The following CHST11 variants were observed in gnomAD, a reference collection of about 807,000 sequenced individuals.
The protein encoded by CHST11 is C4S-1.
Under a neutral mutation model 30.4 loss-of-function variants are expected in CHST11, and 9 were observed. The ratio of observed to expected loss-of-function variants is 0.30; its 90% CI spans 0.18 to 0.52. The LOEUF (loss-of-function observed/expected upper bound fraction) is 0.52. CHST11 is among the 20% of genes least tolerant of loss of function. The pLI, the probability that CHST11 is intolerant of heterozygous loss-of-function variation, is 0.97. For missense variants in CHST11, 348 were observed against 460.6 expected (o/e 0.76, Z 2.24); for synonymous variants, 152 against 187.8 (o/e 0.81, Z 1.56).
intron 2 of CHST11, among the ~76,000 whole-genome samples, chr12:104,621,813 A>T (rs982559211): frequency 2.6e-5 from 4 of 152,228 alleles, no homozygotes; most frequent in Admixed American, 1.3e-4. Context: ...GCGGCAATAG[A>T]AAACTAACAT....
chr12:104,616,287 T>G (rs577476806), intron 2 of CHST11, among the ~76,000 whole-genome samples: 2 of 152,298 alleles, frequency 1.3e-5, no homozygotes, highest in South Asian at 4.1e-4. Context: ...AAAATTGCAA[T>G]GCTCAGTCCA....
chr12:104,548,889 A>G (rs543922746), intron 1 of CHST11, among the ~76,000 whole-genome samples: 1 of 152,360 alleles, frequency 6.6e-6, no homozygotes, highest in South Asian at 2.1e-4. Flanking sequence ...CAGACACCAA[A>G]GTTGCCTTTT....
At chr12:104,728,459 A>C (rs1401164135) in intron 2 of CHST11, among the ~76,000 whole-genome samples, 16 of 136,776 alleles carry the variant, frequency 1.2e-4, no homozygotes, top group African/African-American at 2.2e-4. Context: ...AAAAAAAAAC[A>C]AAAACTGAGT....
At chr12:104,488,055 C>T (rs2037700646) in intron 1 of CHST11, among the ~76,000 whole-genome samples, 1 of 152,078 alleles carries the variant, frequency 6.6e-6, no homozygotes, top group Non-Finnish European at 1.5e-5. Flanking sequence ...ACTACTGGTG[C>T]GTGCCACCAC....
intron 1 of CHST11, among the ~76,000 whole-genome samples, chr12:104,503,199 G>C (rs1254718440): frequency 1.3e-5 from 2 of 152,188 alleles, no homozygotes; most frequent in African/African-American, 2.4e-5. Flanking sequence ...CCTAACCCCA[G>C]ATCTGCTGCT....
chr12:104,733,220 G>A (rs1052274286), intron 2 of CHST11, among the ~76,000 whole-genome samples: 3 of 152,238 alleles, frequency 2.0e-5, no homozygotes, highest in African/African-American at 7.2e-5. Flanking sequence ...TGGAGGGCAT[G>A]AGGCCAGACT....
At chr12:104,620,307 C>T (rs1170060143) in intron 2 of CHST11, among the ~76,000 whole-genome samples, 2 of 152,182 alleles carry the variant, frequency 1.3e-5, no homozygotes. Flanking sequence ...GATAAATGAG[C>T]TGGAGTTTGA....
chr12:104,491,907 C>T (rs1208013108), intron 1 of CHST11, among the ~76,000 whole-genome samples: 1 of 152,224 alleles, frequency 6.6e-6, no homozygotes, highest in Non-Finnish European at 1.5e-5. Flanking sequence ...CTACCACCTG[C>T]AGCCTCACTT....
chr12:104,523,644 A>C (rs1460724515), intron 1 of CHST11, among the ~76,000 whole-genome samples: 1 of 152,178 alleles, frequency 6.6e-6, no homozygotes. Context: ...TTCTCAAGTG[A>C]AATAATATTT....
chr12:104,602,320 T>G, intron 2 of CHST11: 1 of 366,008 alleles, frequency 2.7e-6, no homozygotes, highest in South Asian at 5.7e-5. Context: ...GTCTTCCCTT[T>G]GGTATCCCCA....
intron 2 of CHST11, among the ~76,000 whole-genome samples, chr12:104,755,776 A>T (rs565514027): frequency 6.6e-6 from 1 of 152,104 alleles, no homozygotes; most frequent in Non-Finnish European, 1.5e-5. Context: ...ACAGAGTAAG[A>T]CTCTGGAAAA....
chr12:104,521,390 G>T (rs1456289277), intron 1 of CHST11, among the ~76,000 whole-genome samples: 2 of 152,142 alleles, frequency 1.3e-5, no homozygotes, highest in African/African-American at 4.8e-5. Context: ...GCAGACTTTT[G>T]TCTGGTCAGC....
At chr12:104,531,479 AAGAG>A (rs199768769) in intron 1 of CHST11, among the ~76,000 whole-genome samples, 2,482 of 145,214 alleles carry the variant, frequency 0.017, 210 homozygotes, top group Admixed American at 0.066. Flanking sequence ...AAAAAAAAAA[AAGAG>A]AGAGAGAGAG....
At chr12:104,691,555 T>G (rs1041414872) in intron 2 of CHST11, among the ~76,000 whole-genome samples, 3 of 149,972 alleles carry the variant, frequency 2.0e-5, no homozygotes, top group African/African-American at 7.4e-5. Flanking sequence ...TGGTGTGATC[T>G]CGGCTCACTG....
chr12:104,567,678 A>G (rs1160621430), intron 1 of CHST11, among the ~76,000 whole-genome samples: 1 of 152,162 alleles, frequency 6.6e-6, no homozygotes, highest in Non-Finnish European at 1.5e-5. Flanking sequence ...CCAGGGTCAC[A>G]CAGCCCATGA....
At chr12:104,697,570 G>A (rs892525689) in intron 2 of CHST11, among the ~76,000 whole-genome samples, 13 of 152,038 alleles carry the variant, frequency 8.6e-5, no homozygotes, top group African/African-American at 2.7e-4. Context: ...ATAATCACAC[G>A]AGTCAATTTC....
chr12:104,620,265 C>T (rs757806970), intron 2 of CHST11, among the ~76,000 whole-genome samples: 1 of 152,176 alleles, frequency 6.6e-6, no homozygotes, highest in Non-Finnish European at 1.5e-5. Flanking sequence ...ATCTCAGCCT[C>T]GGCTCTCCAT....
intron 2 of CHST11, among the ~76,000 whole-genome samples, chr12:104,650,986 T>C (rs1014712043): frequency 1.3e-5 from 2 of 152,250 alleles, no homozygotes; most frequent in African/African-American, 2.4e-5. Flanking sequence ...GATTTAATAC[T>C]TGTGAAGAGC....
chr12:104,471,376 A>G lies in CHST11; in HGVS notation c.118+13847A>G, dbSNP rs183039061. 1.2e-3 allele frequency among the ~76,000 whole-genome samples: 183 copies of G among 152,292 alleles called. 3 individuals carry two copies. The highest frequency in any genetic ancestry group is 8.8e-5 in the Non-Finnish European group (6 of 68,010). On this transcript the variant is annotated intron_variant, in intron 1 of 2. Transcript: ENST00000303694. ...AATCCCCCTTTTTGGGATAGCGGGT[A>G]TGGAATTTTCAATGCTGATTTGATT...
Sources: allele counts gnomAD v4.1 joint callset (sites outside exome capture counted in the v4.1 genomes callset), GRCh38; gene constraint gnomAD v4.1.1; transcripts MANE v1.5; gene names NCBI Gene and HGNC (gene_info 2026-07-23, HGNC 2026-07-21).